IMPA2: variants seen among roughly 807,000 people sequenced by gnomAD.
IMPA2 encodes IMP 2.
In IMPA2, 32 loss-of-function variants were observed where a neutral mutation model predicts 35.1. The observed-to-expected ratio is 0.91, with a 90% confidence interval of 0.69 to 1.23. The LOEUF (loss-of-function observed/expected upper bound fraction) is 1.23. IMPA2 is among the 50% of genes most tolerant of loss of function. The pLI, the probability that IMPA2 is intolerant of heterozygous loss-of-function variation, is 0.00. For missense variants in IMPA2, 334 were observed against 387.6 expected (o/e 0.86, Z 1.16); for synonymous variants, 135 against 160.6 (o/e 0.84, Z 1.20).
At chr18:11,986,361 C>G (rs1405800516) in intron 1 of IMPA2, among the ~76,000 whole-genome samples, 1 of 152,188 alleles carries the variant, frequency 6.6e-6, no homozygotes, top group East Asian at 1.9e-4. Flanking sequence ...GAGCCCCTTC[C>G]TTCATGGACC....
intron 5 of IMPA2, among the ~76,000 whole-genome samples, chr18:12,024,373 A>G (rs762445187): frequency 2.0e-5 from 3 of 150,880 alleles, no homozygotes; most frequent in Non-Finnish European, 4.4e-5. Context: ...AATCCCCGCT[A>G]CTTGGGAGGC....
intron 5 of IMPA2, among the ~76,000 whole-genome samples, chr18:12,023,902 A>G (rs1297969470): frequency 6.6e-6 from 1 of 152,242 alleles, no homozygotes; most frequent in Admixed American, 6.5e-5. Flanking sequence ...CGTATGTATA[A>G]TTGATTCAGC....
chr18:12,024,001 C>T (rs530453856), intron 5 of IMPA2, among the ~76,000 whole-genome samples: 55 of 151,966 alleles, frequency 3.6e-4, no homozygotes, highest in Middle Eastern at 3.4e-3. Flanking sequence ...TCATCTATCT[C>T]GAAAAAAATC....
At chr18:11,988,679 A>G (rs1017207619) in intron 1 of IMPA2, among the ~76,000 whole-genome samples, 15 of 152,258 alleles carry the variant, frequency 9.9e-5, no homozygotes, top group African/African-American at 3.6e-4. Flanking sequence ...AGAGAAAGAG[A>G]GGAGCCAAGG....
chr18:11,992,789 A>G (rs1906853680), intron 1 of IMPA2, among the ~76,000 whole-genome samples: 2 of 152,178 alleles, frequency 1.3e-5, no homozygotes, highest in South Asian at 2.1e-4. Context: ...AAAGGGGTTC[A>G]GCGGGACCTT....
At chr18:12,028,019 G>A in intron 5 of IMPA2, 24 bp from the exon 6 acceptor site, 1 of 1,527,376 alleles carries the variant, frequency 6.5e-7, no homozygotes, top group Non-Finnish European at 9.1e-7. Context: ...TTTTTCTGGT[G>A]ACAGGAAATT....
At chr18:12,026,692 A>G (rs1907889929) in intron 5 of IMPA2, among the ~76,000 whole-genome samples, 2 of 152,114 alleles carry the variant, frequency 1.3e-5, no homozygotes, top group African/African-American at 4.8e-5. Context: ...AGGGTAAGGA[A>G]TGGAAGGGTT....
chr18:12,000,238 T>G (rs947320796), intron 2 of IMPA2, among the ~76,000 whole-genome samples: 3 of 151,908 alleles, frequency 2.0e-5, no homozygotes, highest in Non-Finnish European at 2.9e-5. Context: ...AGTGGCATGA[T>G]CATAGCTCAC....
In IMPA2 at chr18:11,981,942, C is replaced by G. The variant is rs922046529; in HGVS notation, c.96+177C>G. On this transcript the variant is annotated intron_variant, in intron 1 of 7. Coordinates refer to ENST00000269159, the MANE Select transcript of IMPA2 (RefSeq NM_014214.3). ...TTGTGCTGGTGTCCTGGACACACCTCCCGCGCCCTTCTCCAACTCCCGGAG... is the reference window on the plus strand; with the variant it reads ...TTGTGCTGGTGTCCTGGACACACCTGCCGCGCCCTTCTCCAACTCCCGGAG... Among the ~76,000 whole-genome samples the G allele has an allele frequency of 2.0e-5, 3 of 152,088 alleles. 1 individual carries two copies. Among genetic ancestry groups the G allele is most frequent in the African/African-American group, 7.2e-5 (3 of 41,422 alleles).
At position 12,030,489 on chromosome 18, in the gene IMPA2, C is replaced by G. The variant is rs1908018490; in HGVS notation, c.*31C>G. Reference sequence around the variant, plus strand: ...GCTGAGGCAAAGCTGCTCCCAAGGCCTCCCTGGGCTGCTGTGGGCTCCTGG... The same window carrying G: ...GCTGAGGCAAAGCTGCTCCCAAGGCGTCCCTGGGCTGCTGTGGGCTCCTGG... On this transcript the variant is annotated 3_prime_UTR_variant, in exon 8 of 8. Coordinates refer to ENST00000269159, the MANE Select transcript of IMPA2 (RefSeq NM_014214.3). 6.4e-7 allele frequency: 1 copy of G among 1,562,070 alleles called. No homozygotes were observed. The highest frequency in any genetic ancestry group is 2.2e-5 in the East Asian group (1 of 44,634).
intron 1 of IMPA2, among the ~76,000 whole-genome samples, chr18:11,992,992 A>T (rs977205466): frequency 1.3e-5 from 2 of 152,206 alleles, no homozygotes; most frequent in South Asian, 4.1e-4. Context: ...TGTACATTGT[A>T]TGTACGGTAG....
At position 12,015,321 on chromosome 18, in the gene IMPA2, C is replaced by T. The variant is rs565832138; in HGVS notation, c.490+948C>T. 2.6e-5 allele frequency among the ~76,000 whole-genome samples: 4 copies of T among 152,340 alleles called. No homozygotes were observed. The South Asian group carries it at 8.3e-4, about 32-fold the overall frequency. On this transcript the variant is annotated intron_variant, in intron 5 of 7. Transcript: ENST00000269159. ...TCCCCTCTTGACCCACTTCCAGCCT[C>T]TCTTAAAAATTCCTTTCCTGGCAAC...
chr18:12,018,027 C>T (rs758269074), intron 5 of IMPA2: 15 of 157,324 alleles, frequency 9.5e-5, no homozygotes, highest in Non-Finnish European at 7.0e-5. Flanking sequence ...CTGCAACCTC[C>T]GCCTCCCTGG....
chr18:12,018,454 C>T lies in IMPA2; in HGVS notation c.490+4081C>T, dbSNP rs116350398. Among the ~76,000 whole-genome samples, 1,085 of 152,262 alleles carry T rather than the reference C, an allele frequency of 7.1e-3. 11 individuals carry two copies. Among genetic ancestry groups the T allele is most frequent in the African/African-American group, 0.024 (1,011 of 41,538 alleles). The stretch of plus-strand genomic sequence containing the variant: ...GTTCCACAGGTGGGTACAGATTTAA[C>T]GCCACCACTGTCCTGTGTGCTGATG... On this transcript the variant is annotated intron_variant, in intron 5 of 7. Transcript: ENST00000269159.
chr18:12,025,404 G>C (rs1212223779), intron 5 of IMPA2, among the ~76,000 whole-genome samples: 1 of 152,234 alleles, frequency 6.6e-6, no homozygotes, highest in Non-Finnish European at 1.5e-5. Flanking sequence ...ACGATTGCTG[G>C]ACGGTATGGT....
In IMPA2 at chr18:12,007,676, T is replaced by TTTCTTTCTTTCTTTCTTTCC. The variant is rs1568032979; in HGVS notation, c.231-2204_231-2203insTTTCTTTCTTTCTTTCCTTC. 9.0e-5 allele frequency among the ~76,000 whole-genome samples: 10 copies of TTTCTTTCTTTCTTTCTTTCC among 111,272 alleles called. No homozygotes were observed. In the South Asian group the frequency reaches 1.4e-3, roughly 15 times the overall value. The allele number at this position is 111,272 out of a possible 152,430, so 73.0% of individuals were successfully genotyped here. ...CTTTCTTTCTTTCTTTCTTTCTTTC[T>TTTCTTTCTTTCTTTCTTTCC]TTCCTTTCTTTCCTTTCTTTCCTTT... On this transcript the variant is annotated intron_variant, in intron 2 of 7. Coordinates refer to ENST00000269159, the MANE Select transcript of IMPA2 (RefSeq NM_014214.3).
chr18:11,999,988 A>G (rs1044546368), intron 2 of IMPA2, among the ~76,000 whole-genome samples: 6 of 152,126 alleles, frequency 3.9e-5, no homozygotes, highest in African/African-American at 4.8e-5. Context: ...TCTTCGTTAC[A>G]TAGAATCTTT....
At position 12,012,078 on chromosome 18, in the gene IMPA2, C is replaced by T. The variant is rs986526568; in HGVS notation, c.336-92C>T. 78 of 1,174,196 alleles carry T rather than the reference C, an allele frequency of 6.6e-5. No individual in the cohort carries two copies. The African/African-American group carries it at 1.1e-3, about 17-fold the overall frequency. 72.7% of individuals were successfully genotyped at this position (1,174,196 alleles called of 1,614,324 possible). ...AACCCACCCAGAGTGTAGGAAGGTC[C>T]TTCTGAGCCTGCGGGGAGCCGCACA... On this transcript the variant is annotated intron_variant, in intron 3 of 7. Coordinates refer to ENST00000269159, the MANE Select transcript of IMPA2 (RefSeq NM_014214.3).
intron 1 of IMPA2, among the ~76,000 whole-genome samples, chr18:11,986,727 C>T (rs530946509): frequency 1.1e-4 from 16 of 152,172 alleles, no homozygotes; most frequent in Non-Finnish European, 2.2e-4. Flanking sequence ...GTCCTGTGTC[C>T]GGAGTCCCTG....
Sources: gnomAD v4.1 joint callset for allele counts (sites outside exome capture counted in the v4.1 genomes callset) on GRCh38, gnomAD v4.1.1 for gene constraint, MANE v1.5 for transcripts, NCBI Gene and HGNC (gene_info 2026-07-23, HGNC 2026-07-21) for gene names.